The following JAK1 variants were observed in gnomAD, a reference collection of about 807,000 sequenced individuals.
JAK1 encodes Janus kinase 1.
Under a neutral mutation model 136.6 loss-of-function variants are expected in JAK1, and 16 were observed. That is an observed-to-expected ratio of 0.12 (90% confidence interval 0.08 to 0.18). JAK1 has a LOEUF of 0.18. JAK1 is among the 10% of genes least tolerant of loss of function. The pLI is 1.00. For synonymous variants in JAK1, 492 were observed against 519.5 expected (o/e 0.95, Z 0.72); for missense variants, 859 against 1,450.1 (o/e 0.59, Z 6.62).
At chr1:64,965,574 G>A (rs1646358095) in intron 1 of JAK1, among the ~76,000 whole-genome samples, 1 of 152,178 alleles carries the variant, frequency 6.6e-6, no homozygotes, top group East Asian at 1.9e-4. Flanking sequence ...CCGACGATGC[G>A]CGGATGGAGT....
At chr1:64,985,283 G>A in intron 2 of JAK1, 1 of 1,609,584 alleles carries the variant, frequency 6.2e-7, no homozygotes, top group South Asian at 1.1e-5. Context: ...TGATGGAAAT[G>A]ATGATGGGCT....
intron 13 of JAK1, 111 bp from the exon 14 acceptor site, chr1:64,846,847 C>T: frequency 1.3e-6 from 1 of 740,824 alleles, no homozygotes; most frequent in Non-Finnish European, 2.3e-6. Flanking sequence ...ACCACTGTCG[C>T]CACCCCAGGC....
chr1:64,938,899 T>C (rs1184152520), intron 1 of JAK1, among the ~76,000 whole-genome samples: 1 of 152,190 alleles, frequency 6.6e-6, no homozygotes, highest in Non-Finnish European at 1.5e-5. Flanking sequence ...CCCCTGGCAT[T>C]CTTAATGTTA....
At position 64,928,778 on chromosome 1, in the gene JAK1, C is replaced by CAAAAAAAAA. The variant is rs1183218798; in HGVS notation, c.-78+37546_-78+37554dup. ...AGGTTCTGAGTGCTATAAAACTCTGCAAAAAAAAAAAAAAAAAACAAAAAA... is the reference window on the plus strand; with the variant it reads ...AGGTTCTGAGTGCTATAAAACTCTGCAAAAAAAAAAAAAAAAAAAAAAAAAAACAAAAAA... On this transcript the variant is annotated intron_variant, in intron 1 of 24. Transcript: ENST00000342505. Among the ~76,000 whole-genome samples, 502 of 60,928 alleles carry CAAAAAAAAA rather than the reference C, an allele frequency of 8.2e-3. 11 individuals carry two copies. Among genetic ancestry groups the CAAAAAAAAA allele is most frequent in the East Asian group, 0.017 (35 of 2,040 alleles). 40.0% of individuals were successfully genotyped at this position (60,928 alleles called of 152,430 possible).
chr1:64,847,474 T>G (rs1655310685), intron 13 of JAK1, 58 bp downstream of exon 13: 17 of 1,600,790 alleles, frequency 1.1e-5, no homozygotes, highest in Non-Finnish European at 1.5e-5. Flanking sequence ...ACCCATTGTG[T>G]TCCACTGGCT....
At chr1:65,018,372 C>G (rs1173730630) in intron 2 of JAK1, among the ~76,000 whole-genome samples, 1 of 151,446 alleles carries the variant, frequency 6.6e-6, no homozygotes, top group African/African-American at 2.4e-5. Flanking sequence ...AACTATGTAA[C>G]AGGAACAATA....
chr1:64,909,351 G>A (rs1397201894), intron 1 of JAK1, among the ~76,000 whole-genome samples: 2 of 152,122 alleles, frequency 1.3e-5, no homozygotes, highest in Non-Finnish European at 2.9e-5. Context: ...GCGAAATAGC[G>A]TTTAGTAGAG....
intron 1 of JAK1, among the ~76,000 whole-genome samples, chr1:64,916,943 G>A (rs558603669): frequency 6.6e-6 from 1 of 152,074 alleles, no homozygotes; most frequent in South Asian, 2.1e-4. Flanking sequence ...ACAGTCACAT[G>A]TCTGAATTCC....
intron 1 of JAK1, among the ~76,000 whole-genome samples, chr1:64,914,127 A>G (rs548851505): frequency 6.6e-6 from 1 of 152,298 alleles, no homozygotes; most frequent in East Asian, 1.9e-4. Flanking sequence ...TCATTTTGAG[A>G]GCAGCTGACA....
At chr1:64,903,492 T>C (rs1410442609) in intron 1 of JAK1, among the ~76,000 whole-genome samples, 2 of 152,268 alleles carry the variant, frequency 1.3e-5, no homozygotes, top group South Asian at 2.1e-4. Flanking sequence ...GAGCTTCTAA[T>C]ACAAATGAGA....
At chr1:64,891,873 A>C (rs1644942736) in intron 1 of JAK1, among the ~76,000 whole-genome samples, 2 of 152,264 alleles carry the variant, frequency 1.3e-5, no homozygotes, top group South Asian at 4.1e-4. Flanking sequence ...CAATTCCAGG[A>C]ATACCCCAGA....
intron 1 of JAK1, among the ~76,000 whole-genome samples, chr1:64,957,901 G>A (rs1005849773): frequency 7.9e-5 from 12 of 151,814 alleles, no homozygotes; most frequent in Admixed American, 4.6e-4. Context: ...CCGAGATAGC[G>A]CCACTGCAGC....
At chr1:64,869,256 A>T in intron 6 of JAK1, 55 bp downstream of exon 6, 1 of 1,532,796 alleles carries the variant, frequency 6.5e-7, no homozygotes. Flanking sequence ...GTGTAAGAAC[A>T]TGTAGAAACA....
At chr1:64,878,218 A>C (rs1283228319) in intron 4 of JAK1, among the ~76,000 whole-genome samples, 2 of 152,170 alleles carry the variant, frequency 1.3e-5, no homozygotes, top group Non-Finnish European at 2.9e-5. Context: ...ACACACATTA[A>C]CTTCTGCTTA....
chr1:64,958,235 C>A (rs1437332597), intron 1 of JAK1, among the ~76,000 whole-genome samples: 1 of 152,310 alleles, frequency 6.6e-6, no homozygotes, highest in East Asian at 1.9e-4. Flanking sequence ...ATCAAGTGGG[C>A]TTACAATTTA....
chr1:65,002,673 C>A (rs1032735345), intron 2 of JAK1, among the ~76,000 whole-genome samples: 1 of 152,244 alleles, frequency 6.6e-6, no homozygotes, highest in African/African-American at 2.4e-5. Context: ...CGTCACCATC[C>A]GAAAGTGCGA....
At chr1:64,930,671 T>C (rs10889508) in intron 1 of JAK1, among the ~76,000 whole-genome samples, 75,811 of 151,516 alleles carry the variant, frequency 0.5, 23,362 homozygotes, top group Non-Finnish European at 0.71. Context: ...TGATTATAAA[T>C]CATTCTACTA....
At chr1:64,967,467 TA>T (rs1191360148), upstream of JAK1, among the ~76,000 whole-genome samples, 1 of 152,244 alleles carries the variant, frequency 6.6e-6, no homozygotes, top group East Asian at 1.9e-4. Context: ...CTCCCATGCT[TA>T]AAACACTCCA....
In JAK1 at chr1:64,855,600, C is replaced by G; in HGVS notation, c.1557G>C (p.Leu519Phe). Reference protein sequence around the residue: ...LHGSDRSFPSLGDLMSHLKKQ... With the variant: ...LHGSDRSFPSFGDLMSHLKKQ... Reference sequence around the variant, plus strand: ...TCTTGAGGTGGCTCATGAGGTCTCCCAAGCTGGGGAAGCTGCGGTCCGAAC... The same window carrying G: ...TCTTGAGGTGGCTCATGAGGTCTCCGAAGCTGGGGAAGCTGCGGTCCGAAC... Residue 519 changes from leucine (L) to phenylalanine (F), a missense_variant, in exon 11 of 25, where the codon TTG becomes TTC. Leu to Phe is a conservative substitution (Grantham distance 22). Around this residue, in one of 4 missense-constraint regions of JAK1, gnomAD observed 409 missense variants for 753.8 expected, o/e 0.54. Coordinates refer to ENST00000342505, the MANE Select transcript of JAK1 (RefSeq NM_002227.4). The G allele has an allele frequency of 6.8e-6, 11 of 1,614,164 alleles. No individual in the cohort carries two copies. The highest frequency in any genetic ancestry group is 9.3e-6 in the Non-Finnish European group (11 of 1,180,022).
Sources: gnomAD v4.1 joint callset for allele counts (sites outside exome capture counted in the v4.1 genomes callset) on GRCh38, gnomAD v4.1.1 for gene constraint, gnomAD v4.1.1 regional missense constraint, MANE v1.5 for transcripts, NCBI Gene and HGNC (gene_info 2026-07-23, HGNC 2026-07-21) for gene names.